Variants in TMEM132C observed in about 807,000 individuals in gnomAD.
TMEM132C encodes the protein protein phosphatase 1, regulatory subunit 152.
In TMEM132C, 29 loss-of-function variants were observed where a neutral mutation model predicts 61.4. The ratio of observed to expected loss-of-function variants is 0.47; its 90% CI spans 0.35 to 0.64. The LOEUF (loss-of-function observed/expected upper bound fraction) is 0.64. Among genes scored for constraint, TMEM132C ranks in the 30% least tolerant of loss-of-function variants. TMEM132C has a pLI of 0.00. For synonymous variants in TMEM132C, 656 were observed against 633.1 expected (o/e 1.04, Z -0.54); for missense variants, 1,408 against 1,476.9 (o/e 0.95, Z 0.76).
At chr12:128,447,059 A>G (rs1870004974) in intron 2 of TMEM132C, among the ~76,000 whole-genome samples, 2 of 152,200 alleles carry the variant, frequency 1.3e-5, no homozygotes, top group Admixed American at 1.3e-4. Context: ...TGGGCAGTGC[A>G]TGGAAGGAGT....
intron 1 of TMEM132C, among the ~76,000 whole-genome samples, chr12:128,361,146 G>A (rs1873697497): frequency 6.6e-6 from 1 of 152,142 alleles, no homozygotes; most frequent in South Asian, 2.1e-4. Flanking sequence ...TTGCTCCGAG[G>A]AACTCACCTA....
At chr12:128,416,086 T>G (rs748576629) in intron 2 of TMEM132C, among the ~76,000 whole-genome samples, 1 of 152,132 alleles carries the variant, frequency 6.6e-6, no homozygotes, top group Non-Finnish European at 1.5e-5. Context: ...TTAGGTGGTG[T>G]TAAAGATTGC....
chr12:128,277,772 C>T (rs1302119613), intron 1 of TMEM132C, among the ~76,000 whole-genome samples: 1 of 152,144 alleles, frequency 6.6e-6, no homozygotes, highest in African/African-American at 2.4e-5. Context: ...TGGGGGCAGC[C>T]CACATGGGAG....
chr12:128,696,423 C>T (rs1178327028), intron 7 of TMEM132C, among the ~76,000 whole-genome samples: 5 of 152,188 alleles, frequency 3.3e-5, no homozygotes, highest in Non-Finnish European at 7.3e-5. Context: ...CCCCCTATGC[C>T]TTCTTAGAAA....
chr12:128,275,608 C>G (rs1253318730), intron 1 of TMEM132C, among the ~76,000 whole-genome samples: 1 of 151,874 alleles, frequency 6.6e-6, no homozygotes, highest in Non-Finnish European at 1.5e-5. Context: ...CTGAAACAAT[C>G]CCCCCACCCC....
chr12:128,587,312 T>C (rs539559662), intron 3 of TMEM132C, among the ~76,000 whole-genome samples: 14 of 152,306 alleles, frequency 9.2e-5, no homozygotes, highest in Admixed American at 7.8e-4. Context: ...ACATTCTGTA[T>C]CCGGTGAGGG....
chr12:128,492,348 T>C (rs964729314), intron 2 of TMEM132C, among the ~76,000 whole-genome samples: 16 of 152,318 alleles, frequency 1.1e-4, no homozygotes, highest in Non-Finnish European at 1.9e-4. Flanking sequence ...TGATTTATAA[T>C]CCTTTGGGTA....
chr12:128,371,973 G>T (rs1874040619), intron 1 of TMEM132C, among the ~76,000 whole-genome samples: 1 of 152,106 alleles, frequency 6.6e-6, no homozygotes, highest in Non-Finnish European at 1.5e-5. Flanking sequence ...TAGTCACTTT[G>T]CAGAGTTGTG....
chr12:128,598,104 T>C (rs117734990), intron 3 of TMEM132C, among the ~76,000 whole-genome samples: 3,917 of 152,314 alleles, frequency 0.026, 83 homozygotes, highest in Non-Finnish European at 0.035. Flanking sequence ...CTGGCAGTTA[T>C]TAAAACTATG....
At chr12:128,681,757 G>A (rs1954636868) in intron 5 of TMEM132C, among the ~76,000 whole-genome samples, 1 of 146,894 alleles carries the variant, frequency 6.8e-6, no homozygotes, top group Non-Finnish European at 1.5e-5. Flanking sequence ...GGGTTCAAGT[G>A]ATTCTCCTGC....
intron 1 of TMEM132C, among the ~76,000 whole-genome samples, chr12:128,362,960 A>G (rs932186687): frequency 3.3e-5 from 5 of 152,360 alleles, no homozygotes; most frequent in African/African-American, 1.2e-4. Context: ...TGAAAATAAA[A>G]AGAGCATGAA....
chr12:128,281,857 C>A (rs1246152019), intron 1 of TMEM132C, among the ~76,000 whole-genome samples: 1 of 152,208 alleles, frequency 6.6e-6, no homozygotes, highest in Non-Finnish European at 1.5e-5. Context: ...CTCCACTTCC[C>A]CCTTCAGGTG....
intron 1 of TMEM132C, among the ~76,000 whole-genome samples, chr12:128,363,674 G>C (rs1873773211): frequency 6.6e-6 from 1 of 151,942 alleles, no homozygotes; most frequent in Admixed American, 6.6e-5. Context: ...ATGAAACCCA[G>C]TCTCTACTAA....
intron 2 of TMEM132C, among the ~76,000 whole-genome samples, chr12:128,499,222 C>A (rs1872072850): frequency 6.6e-6 from 1 of 152,062 alleles, no homozygotes. Context: ...GAAATAAACA[C>A]CAAGTAATGG....
At position 128,544,117 on chromosome 12, in the gene TMEM132C, T is replaced by C. The variant is rs908591212; in HGVS notation, c.1121+14T>C. On this transcript the variant is annotated intron_variant, in intron 3 of 8. Transcript: ENST00000435159. Reference sequence around the variant, plus strand: ...CCCACGCAACAGGTAAGCGGTGCCCTCCCTGCAAGCGTGTGTGGTTCCTGG... The same window carrying C: ...CCCACGCAACAGGTAAGCGGTGCCCCCCCTGCAAGCGTGTGTGGTTCCTGG... The C allele has an allele frequency of 4.0e-6, 6 of 1,514,076 alleles. No homozygotes were observed. In the African/African-American group the frequency reaches 7.0e-5, roughly 18 times the overall value. The allele number at this position is 1,514,076 out of a possible 1,614,324, so 93.8% of individuals were successfully genotyped here.
intron 2 of TMEM132C, among the ~76,000 whole-genome samples, chr12:128,497,480 A>C (rs185573948): frequency 3.2e-4 from 49 of 152,300 alleles, no homozygotes; most frequent in African/African-American, 1.0e-3. Context: ...GGGCTCCACC[A>C]AGTTCGAGCT....
At chr12:128,396,384 G>T (rs1354444468) in intron 1 of TMEM132C, among the ~76,000 whole-genome samples, 1 of 151,314 alleles carries the variant, frequency 6.6e-6, no homozygotes, top group East Asian at 2.0e-4. Context: ...GGGGCCTGTC[G>T]TGGGGGTGAG....
At chr12:128,446,991 C>A (rs1870002093) in intron 2 of TMEM132C, among the ~76,000 whole-genome samples, 1 of 152,116 alleles carries the variant, frequency 6.6e-6, no homozygotes, top group South Asian at 2.1e-4. Flanking sequence ...TCTCTTGTTG[C>A]AAGCAACAGC....
Position 128,543,983 on chromosome 12 carries a change from T to G in TMEM132C, c.1001T>G (p.Ile334Ser), listed in dbSNP as rs1873853309. 6.5e-7 allele frequency: 1 copy of G among 1,547,794 alleles called. No homozygotes were observed. The highest frequency in any genetic ancestry group is 2.0e-5 in the Admixed American group (1 of 50,416). ...GCCAAGGTGAAGAAGGGGGTGAACA[T>G]CCTGAGTGCTCAGACCCGTGAGCCC... ...LRAKVKKGVN[I>S]LSAQTREPRQ... Residue 334 changes from isoleucine (I) to serine (S), a missense_variant, in exon 3 of 9, where the codon ATC becomes AGC. Transcript: ENST00000435159.
Sources: allele counts gnomAD v4.1 joint callset (sites outside exome capture counted in the v4.1 genomes callset), GRCh38; gene constraint gnomAD v4.1.1; transcripts MANE v1.5; gene names NCBI Gene and HGNC (gene_info 2026-07-23, HGNC 2026-07-21).